Variants in KANK2 observed in about 807,000 individuals in gnomAD.
KANK2 encodes the protein KN motif and ankyrin repeat domains 2.
A neutral mutation model predicts 74.6 loss-of-function variants in KANK2; 41 were observed. That is an observed-to-expected ratio of 0.55 (90% CI 0.43 to 0.71). The LOEUF (loss-of-function observed/expected upper bound fraction) is 0.71, where lower values mean the gene tolerates loss of function less well. Among genes scored for constraint, KANK2 ranks in the 30% least tolerant of loss-of-function variants. The probability of loss-of-function intolerance (pLI) is 0.00; values close to 1 mark genes in which losing one functional copy is unlikely to be tolerated. For synonymous variants in KANK2, 537 were observed against 519.0 expected (o/e 1.03, Z -0.47); for missense variants, 1,148 against 1,196.4 (o/e 0.96, Z 0.60).
intron 4 of KANK2, among the ~76,000 whole-genome samples, chr19:11,182,538 CA>C (rs1194337800): frequency 1.7e-5 from 2 of 119,056 alleles, no homozygotes; most frequent in African/African-American, 6.2e-5. Flanking sequence ...AAAAAAAAAA[CA>C]AAAAAACAAA....
intron 9 of KANK2, among the ~76,000 whole-genome samples, chr19:11,174,136 CCTCCATCAGCCTGGGAGGGTGGCAT>C (rs2078261033): frequency 6.6e-6 from 1 of 152,058 alleles, no homozygotes; most frequent in African/African-American, 2.4e-5. Flanking sequence ...GAAGGTGTCT[CCTCCATCAGCCTGGGAGGGTGGCAT>C]CTCCTCCATC....
At chr19:11,186,084 A>AT (rs2078666596) in intron 4 of KANK2, among the ~76,000 whole-genome samples, 1 of 152,112 alleles carries the variant, frequency 6.6e-6, no homozygotes, top group Non-Finnish European at 1.5e-5. Flanking sequence ...TGTCAGATGG[A>AT]TAAAAAAAAT....
At chr19:11,179,317 CAAA>C (rs34690548) in intron 4 of KANK2, among the ~76,000 whole-genome samples, 2 of 97,300 alleles carry the variant, frequency 2.1e-5, no homozygotes, top group Non-Finnish European at 2.1e-5. Flanking sequence ...CCCTGCCTCT[CAAA>C]AAAAAAAAAA....
intron 4 of KANK2, among the ~76,000 whole-genome samples, chr19:11,189,098 T>TCCCCCCCCCCCCCCCCC (rs71297565): frequency 7.9e-6 from 1 of 126,480 alleles, no homozygotes. Flanking sequence ...ATTGATTCTC[T>TCCCCCCCCCCCCCCCCC]CCCCCCCCAC....
At position 11,170,351 on chromosome 19, in the gene KANK2, T is replaced by C. The variant is rs1107724; in HGVS notation, c.2212-103A>G. On this transcript the variant is annotated intron_variant, in intron 10 of 12. Coordinates refer to ENST00000586659, the MANE Select transcript of KANK2 (RefSeq NM_001136191.3). The surrounding 1 kb of genome is among the most constrained non-coding windows in gnomAD (Gnocchi z 5.2). ...GCTCCCACATACTCTGATGGTGAAA[T>C]GTACCCTCAACTTGCTGATCTCCTC... The C allele has an allele frequency of 5.2e-3, 4,543 of 875,314 alleles. 177 individuals are homozygous for C. The Admixed American group carries it at 0.078, about 15-fold the overall frequency. 54.2% of individuals were successfully genotyped at this position (875,314 alleles called of 1,614,324 possible).
intron 6 of KANK2, 51 bp from the exon 7 acceptor site, chr19:11,176,868 T>A (rs554420609): frequency 2.0e-6 from 3 of 1,483,784 alleles, no homozygotes; most frequent in Admixed American, 2.4e-5. Context: ...GGATGAGAAA[T>A]GGTGGGAAAG....
At chr19:11,189,672 C>CTCAAGCAAG (rs1158401210) in intron 4 of KANK2, among the ~76,000 whole-genome samples, 1 of 147,352 alleles carries the variant, frequency 6.8e-6, no homozygotes, top group African/African-American at 2.5e-5. Context: ...TCCAGCTTGG[C>CTCAAGCAAG]TCAAGCAAGG....
At chr19:11,185,796 G>A (rs2078657631) in intron 4 of KANK2, among the ~76,000 whole-genome samples, 1 of 132,896 alleles carries the variant, frequency 7.5e-6, no homozygotes, top group South Asian at 2.2e-4. Flanking sequence ...TAATCCCAGG[G>A]CTTTGGGAGG....
chr19:11,171,819 T>A (rs1486841185), intron 10 of KANK2, among the ~76,000 whole-genome samples: 1 of 151,358 alleles, frequency 6.6e-6, no homozygotes, highest in Non-Finnish European at 1.5e-5. Flanking sequence ...TACAGGCACA[T>A]GCCACCATGC....
Position 11,172,373 on chromosome 19 carries a change from C to T in KANK2, c.2211+608G>A, listed in dbSNP as rs115256003. On this transcript the variant is annotated intron_variant, in intron 10 of 12. Coordinates refer to ENST00000586659, the MANE Select transcript of KANK2 (RefSeq NM_001136191.3). Reference sequence around the variant, plus strand: ...AGGCAGGATCATGCCTGTTATGCCCCGTCACAGCTCCATTTTGTTCCTTTG... The same window carrying T: ...AGGCAGGATCATGCCTGTTATGCCCTGTCACAGCTCCATTTTGTTCCTTTG... 4.5e-3 allele frequency among the ~76,000 whole-genome samples: 692 copies of T among 152,282 alleles called. 3 individuals are homozygous for T. The highest frequency in any genetic ancestry group is 0.015 in the African/African-American group (643 of 41,550).
At chr19:11,192,028 C>A (rs2078860321) in intron 4 of KANK2, among the ~76,000 whole-genome samples, 1 of 152,180 alleles carries the variant, frequency 6.6e-6, no homozygotes, top group South Asian at 2.1e-4. Context: ...CAACTGCACT[C>A]CAGCCTGGGC....
At position 11,164,665 on chromosome 19, in the gene KANK2, GGTTTT is replaced by G. The variant is rs1190505947; in HGVS notation, c.*1888_*1892del. 2 of 150,262 alleles carry G rather than the reference GGTTTT, an allele frequency of 1.3e-5. No individual in the cohort carries two copies. The highest frequency in any genetic ancestry group is 2.4e-5 in the African/African-American group (1 of 41,216). 9.3% of individuals were successfully genotyped at this position (150,262 alleles called of 1,614,324 possible). On this transcript the variant is annotated 3_prime_UTR_variant, in exon 13 of 13. Transcript: ENST00000586659. ...CAATTAATTGTTTCCAATCAGCTTT[GGTTTT>G]GTTTTCTCTGCAATTTACATGCAAA...
At chr19:11,186,957 A>G (rs12984430) in intron 4 of KANK2, among the ~76,000 whole-genome samples, 48,027 of 151,950 alleles carry the variant, frequency 0.32, 7,889 homozygotes, top group South Asian at 0.47. Flanking sequence ...CCTACTGTGA[A>G]GGGATTAGAG....
At chr19:11,173,486 C>T (rs780732138) in intron 9 of KANK2, among the ~76,000 whole-genome samples, 64 of 152,286 alleles carry the variant, frequency 4.2e-4, no homozygotes, top group Middle Eastern at 6.8e-3. Flanking sequence ...CTGTCTCCCC[C>T]AGTAGGAGAG....
At chr19:11,182,573 G>A (rs1341871361) in intron 4 of KANK2, among the ~76,000 whole-genome samples, 8 of 149,362 alleles carry the variant, frequency 5.4e-5, no homozygotes, top group African/African-American at 2.0e-4. Context: ...GCCAGGCGCG[G>A]TGGCTCACGA....
At chr19:11,194,112 T>A in intron 3 of KANK2, 70 bp from the exon 4 acceptor site, 1 of 1,472,484 alleles carries the variant, frequency 6.8e-7, no homozygotes, top group Non-Finnish European at 9.1e-7. Context: ...GACTGATGCC[T>A]GGGGAGAGTT....
intron 10 of KANK2, among the ~76,000 whole-genome samples, 170 bp downstream of exon 10, chr19:11,172,811 A>T (rs1216804324): frequency 6.6e-6 from 1 of 152,122 alleles, no homozygotes; most frequent in Non-Finnish European, 1.5e-5. Flanking sequence ...AAGGACCCTC[A>T]TATCCTCTAC....
chr19:11,173,174 G>A, intron 9 of KANK2, 51 bp from the exon 10 acceptor site: 1 of 1,572,646 alleles, frequency 6.4e-7, no homozygotes, highest in Non-Finnish European at 8.7e-7. Flanking sequence ...CTAGTGGACT[G>A]CCCCAAGGAA....
chr19:11,182,212 G>A (rs773990625), intron 4 of KANK2, among the ~76,000 whole-genome samples: 22 of 151,504 alleles, frequency 1.5e-4, no homozygotes, highest in Admixed American at 9.9e-4. Flanking sequence ...CAACACGCCC[G>A]GCCAGATGCC....
Sources: allele counts gnomAD v4.1 joint callset (sites outside exome capture counted in the v4.1 genomes callset), GRCh38; gene constraint gnomAD v4.1.1; non-coding constraint Gnocchi (gnomAD v3.1); transcripts MANE v1.5; gene names NCBI Gene and HGNC (gene_info 2026-07-23, HGNC 2026-07-21).